Variants in ACYP2 observed in about 807,000 individuals in gnomAD.
The protein encoded by ACYP2 is acylphosphatase 2, also known as acylphosphatase-2.
In ACYP2, 12 loss-of-function variants were observed where a neutral mutation model predicts 11.2. The observed-to-expected ratio is 1.08, with a 90% confidence interval of 0.69 to 1.74. The LOEUF (loss-of-function observed/expected upper bound fraction) is 1.74. ACYP2 is among the 40% of genes most tolerant of loss of function. ACYP2 has a pLI of 0.00. For synonymous variants in ACYP2, 43 were observed against 32.2 expected, an observed-to-expected ratio of 1.33 and a Z score of -1.13; for missense variants, 134 against 101.9, an observed-to-expected ratio of 1.31 and a Z score of -1.35.
intron 6 of ACYP2, among the ~76,000 whole-genome samples, chr2:54,204,758 C>A (rs773244029): frequency 1.3e-5 from 2 of 152,168 alleles, no homozygotes; most frequent in East Asian, 1.9e-4. Flanking sequence ...ATTGCTTCTG[C>A]TCTTTTCTCT....
rs76703594 is a variant in ACYP2, at chr2:54,040,354, T to G, written c.63-10604T>G. Among the ~76,000 whole-genome samples, 279 of 152,272 alleles carry G rather than the reference T, an allele frequency of 1.8e-3. 1 individual carries two copies. Among genetic ancestry groups the G allele is most frequent in the Middle Eastern group, 0.01 (3 of 294 alleles). ...TAGGACTTGTTAAACTTGAGATGTC[T>G]TTTATTCAAGTGATAATATTAAGGA... On this transcript the variant is annotated intron_variant, in intron 2 of 6. Transcript: ENST00000607452.
At chr2:54,201,680 T>TTCTC (rs60167120) in intron 6 of ACYP2, among the ~76,000 whole-genome samples, 3,139 of 106,992 alleles carry the variant, frequency 0.029, 80 homozygotes, top group Non-Finnish European at 0.038. Flanking sequence ...CTTTCTTTCT[T>TTCTC]TCTCTCTCTC....
At chr2:54,175,274 G>C (rs893197774) in intron 6 of ACYP2, among the ~76,000 whole-genome samples, 1 of 152,044 alleles carries the variant, frequency 6.6e-6, no homozygotes, top group Non-Finnish European at 1.5e-5. Flanking sequence ...TGTATGTGTC[G>C]AGGAATTTAT....
intron 6 of ACYP2, among the ~76,000 whole-genome samples, chr2:54,210,140 T>C (rs1194063608): frequency 3.9e-5 from 2 of 51,326 alleles, no homozygotes; most frequent in Non-Finnish European, 6.5e-5. Context: ...AGACTGTGTC[T>C]CAAAAAAAAA....
chr2:54,278,458 G>T (rs1242919150), intron 6 of ACYP2, among the ~76,000 whole-genome samples: 1 of 152,226 alleles, frequency 6.6e-6, no homozygotes, highest in Non-Finnish European at 1.5e-5. Context: ...TTGTTGCACT[G>T]TGACAATAGA....
intron 6 of ACYP2, among the ~76,000 whole-genome samples, chr2:54,201,108 C>CTT (rs757159071): frequency 4.4e-4 from 34 of 78,048 alleles, no homozygotes; most frequent in Non-Finnish European, 5.6e-4. Context: ...TTCTCTCTCT[C>CTT]TTTTTTTTTT....
At chr2:54,013,886 G>C (rs559733983) in intron 2 of ACYP2, among the ~76,000 whole-genome samples, 36 of 152,196 alleles carry the variant, frequency 2.4e-4, no homozygotes, top group African/African-American at 8.2e-4. Flanking sequence ...GGCTGGGTGT[G>C]GTGGCTCACA....
intron 5 of ACYP2, among the ~76,000 whole-genome samples, chr2:54,136,634 A>G (rs1173161236): frequency 6.6e-6 from 1 of 152,162 alleles, no homozygotes; most frequent in Admixed American, 6.5e-5. Context: ...TGTGGAGTGT[A>G]GAGATCTTGA....
intron 6 of ACYP2, chr2:54,267,320 G>C: frequency 1.3e-6 from 2 of 1,548,422 alleles, no homozygotes; most frequent in Non-Finnish European, 1.7e-6. Context: ...CGGAAGCTGG[G>C]TGAAGAAAAG....
chr2:54,142,898 C>G (rs1177037815), intron 6 of ACYP2: 1 of 152,032 alleles, frequency 6.6e-6, no homozygotes, highest in East Asian at 1.9e-4. Context: ...TAAGTTATTT[C>G]TAAGTATCTT....
intron 6 of ACYP2, among the ~76,000 whole-genome samples, chr2:54,275,328 A>T (rs532023739): frequency 8.3e-4 from 127 of 152,222 alleles, no homozygotes; most frequent in Non-Finnish European, 1.6e-3. Flanking sequence ...AGGTCTCGTT[A>T]TCTGTCCTGT....
chr2:54,187,447 C>G (rs1303417778), intron 6 of ACYP2, among the ~76,000 whole-genome samples: 1 of 152,120 alleles, frequency 6.6e-6, no homozygotes, highest in East Asian at 1.9e-4. Context: ...GAGACTACGT[C>G]CAGGGATTCA....
chr2:53,985,759 G>A (rs56264825), intron 2 of ACYP2, among the ~76,000 whole-genome samples: 14,049 of 152,148 alleles, frequency 0.092, 805 homozygotes, highest in East Asian at 0.28. Flanking sequence ...CTCATGAATG[G>A]CTTGATGATC....
At chr2:54,115,523 G>A (rs1679699252) in intron 4 of ACYP2, 92 bp from the exon 1 acceptor site, 2 of 1,480,222 alleles carry the variant, frequency 1.4e-6, no homozygotes, top group East Asian at 2.6e-5. Flanking sequence ...TCGCTCCCAG[G>A]CCCCGCAGTC....
At chr2:54,238,995 A>G (rs965700568) in intron 6 of ACYP2, among the ~76,000 whole-genome samples, 3 of 151,944 alleles carry the variant, frequency 2.0e-5, no homozygotes, top group Non-Finnish European at 4.4e-5. Context: ...TTTATGGGCA[A>G]AAATCCCAAC....
intron 4 of ACYP2, among the ~76,000 whole-genome samples, chr2:54,124,217 A>T (rs1680330642): frequency 6.7e-6 from 1 of 150,046 alleles, no homozygotes; most frequent in Non-Finnish European, 1.5e-5. Context: ...TTTTTGAGAC[A>T]GAGTTTCATT....
chr2:54,176,880 A>C (rs1057109027), intron 6 of ACYP2, among the ~76,000 whole-genome samples: 1 of 152,138 alleles, frequency 6.6e-6, no homozygotes, highest in Non-Finnish European at 1.5e-5. Flanking sequence ...CTAGAGCTCG[A>C]TGTAGAAGTG....
intron 4 of ACYP2, among the ~76,000 whole-genome samples, chr2:54,102,247 CATTTATATTAGGACAAATACAAGTAAGAT>C (rs1329300624): frequency 2.6e-5 from 4 of 152,140 alleles, no homozygotes. Context: ...ATTGATATCT[CATTTATATTAGGACAAATACAAGTAAGAT>C]ATAATTGTTT....
At chr2:54,238,824 T>G (rs1686610883) in intron 6 of ACYP2, among the ~76,000 whole-genome samples, 2 of 151,886 alleles carry the variant, frequency 1.3e-5, no homozygotes, top group South Asian at 4.2e-4. Flanking sequence ...TTAAGCAAAA[T>G]ATTATGAGTG....
Sources: gnomAD v4.1 joint callset for allele counts (sites outside exome capture counted in the v4.1 genomes callset) on GRCh38, gnomAD v4.1.1 for gene constraint, MANE v1.5 for transcripts, NCBI Gene and HGNC (gene_info 2026-07-23, HGNC 2026-07-21) for gene names.